TTC23: variants seen among roughly 807,000 people sequenced by gnomAD.
TTC23 encodes tetratricopeptide repeat domain 23.
A neutral mutation model predicts 55.1 loss-of-function variants in TTC23; 58 were observed. The observed-to-expected ratio is 1.05, with a 90% confidence interval of 0.85 to 1.31. The LOEUF (loss-of-function observed/expected upper bound fraction) is 1.31, where lower values mean the gene tolerates loss of function less well. TTC23 is among the 50% of genes most tolerant of loss of function. The pLI, the probability that TTC23 is intolerant of heterozygous loss-of-function variation, is 0.00. For missense variants in TTC23, 516 were observed against 534.4 expected, an observed-to-expected ratio of 0.97 and a Z score of 0.34; for synonymous variants, 203 against 199.9, an observed-to-expected ratio of 1.02 and a Z score of -0.13.
intron 12 of TTC23, among the ~76,000 whole-genome samples, chr15:99,142,727 G>A (rs1555491057): frequency 6.6e-6 from 1 of 152,212 alleles, no homozygotes; most frequent in Non-Finnish European, 1.5e-5. Context: ...GGAAGAATGA[G>A]AAGGCAACTG....
intron 8 of TTC23, among the ~76,000 whole-genome samples, chr15:99,205,443 C>T (rs1324975513): frequency 2.6e-5 from 4 of 152,014 alleles, no homozygotes; most frequent in Non-Finnish European, 5.9e-5. Context: ...AATCTTTTTG[C>T]ATGTCCTCTT....
chr15:99,147,804 A>G (rs528267094), intron 12 of TTC23, among the ~76,000 whole-genome samples: 1 of 152,292 alleles, frequency 6.6e-6, no homozygotes, highest in African/African-American at 2.4e-5. Context: ...TACACATGAA[A>G]ACAATGTGGC....
intron 8 of TTC23, among the ~76,000 whole-genome samples, chr15:99,204,391 G>T (rs915670426): frequency 6.6e-6 from 1 of 152,030 alleles, no homozygotes; most frequent in Non-Finnish European, 1.5e-5. Context: ...TTAATCCCTC[G>T]ACAGATGGGT....
At chr15:99,232,023 C>T (rs898894704) in intron 4 of TTC23, among the ~76,000 whole-genome samples, 1 of 148,974 alleles carries the variant, frequency 6.7e-6, no homozygotes, top group Non-Finnish European at 1.5e-5. Flanking sequence ...AACTCCTGAT[C>T]TCAGGTGATC....
At chr15:99,216,530 G>T (rs2077486845) in intron 8 of TTC23, among the ~76,000 whole-genome samples, 1 of 151,866 alleles carries the variant, frequency 6.6e-6, no homozygotes, top group South Asian at 2.1e-4. Context: ...ATTATCAATA[G>T]GAAAGGTACA....
At chr15:99,166,403 G>C (rs2072092593) in intron 10 of TTC23, among the ~76,000 whole-genome samples, 1 of 152,176 alleles carries the variant, frequency 6.6e-6, no homozygotes, top group African/African-American at 2.4e-5. Context: ...GATGCTGCAG[G>C]GTTCAGTTCC....
intron 5 of TTC23, among the ~76,000 whole-genome samples, chr15:99,226,337 A>C (rs1414398128): frequency 6.6e-6 from 1 of 152,174 alleles, no homozygotes; most frequent in African/African-American, 2.4e-5. Context: ...AACACTGAAG[A>C]ATTTGGGGGT....
intron 11 of TTC23, among the ~76,000 whole-genome samples, chr15:99,156,521 C>T (rs2070600254): frequency 6.6e-6 from 1 of 152,178 alleles, no homozygotes; most frequent in African/African-American, 2.4e-5. Context: ...GGTGGGGAGG[C>T]CTCAGAAAAC....
In TTC23 at chr15:99,175,711, T is replaced by C. The variant is rs543813265; in HGVS notation, c.760-556A>G. On this transcript the variant is annotated intron_variant, in intron 9 of 13. Transcript: ENST00000394132. ...GAAAATAAAGTCCACTAAAATGTTG[T>C]TGCCCAGGCGCGGTGGCTCATGTCT... Among the ~76,000 whole-genome samples the C allele has an allele frequency of 3.9e-5, 6 of 152,352 alleles. No individual in the cohort carries two copies. In the East Asian group the frequency reaches 1.2e-3, roughly 29 times the overall value.
chr15:99,229,764 C>T (rs1412644596), intron 4 of TTC23, among the ~76,000 whole-genome samples: 8 of 152,204 alleles, frequency 5.3e-5, no homozygotes, highest in African/African-American at 1.9e-4. Flanking sequence ...GGCGCCTGTT[C>T]CCACCAACCA....
At chr15:99,240,249 T>G (rs563027413) in intron 3 of TTC23, among the ~76,000 whole-genome samples, 2 of 152,358 alleles carry the variant, frequency 1.3e-5, no homozygotes, top group South Asian at 4.1e-4. Flanking sequence ...GAACCTAGTG[T>G]TAAACTTCGA....
At chr15:99,198,649 A>G (rs9672800) in intron 9 of TTC23, among the ~76,000 whole-genome samples, 67,152 of 151,966 alleles carry the variant, frequency 0.44, 14,834 homozygotes, top group Middle Eastern at 0.58. Flanking sequence ...ATATCACTCA[A>G]CCTCTCTAAT....
intron 11 of TTC23, 54 bp from the exon 12 acceptor site, chr15:99,156,351 T>C (rs2070566863): frequency 6.3e-7 from 1 of 1,595,230 alleles, no homozygotes; most frequent in East Asian, 2.2e-5. Context: ...CTGATTAGGA[T>C]CATTACGCAA....
chr15:99,244,783 T>C (rs768659953), intron 2 of TTC23, among the ~76,000 whole-genome samples: 1 of 152,132 alleles, frequency 6.6e-6, no homozygotes, highest in Non-Finnish European at 1.5e-5. Flanking sequence ...TTGATCCTTA[T>C]TATGGATGAA....
At chr15:99,156,348 G>T in intron 11 of TTC23, 51 bp from the exon 12 acceptor site, 1 of 1,596,916 alleles carries the variant, frequency 6.3e-7, no homozygotes, top group South Asian at 1.1e-5. Context: ...AGGCTGATTA[G>T]GATCATTACG....
intron 12 of TTC23, among the ~76,000 whole-genome samples, chr15:99,142,389 G>T (rs1425471833): frequency 6.6e-6 from 1 of 152,176 alleles, no homozygotes; most frequent in Non-Finnish European, 1.5e-5. Flanking sequence ...TTCACTCAGT[G>T]TAAAAGATCA....
chr15:99,200,164 T>C, intron 8 of TTC23, 68 bp from the exon 9 acceptor site: 2 of 1,369,182 alleles, frequency 1.5e-6, no homozygotes, highest in Non-Finnish European at 1.9e-6. Flanking sequence ...ATAGGTGAGC[T>C]GGTAGTTGGG....
chr15:99,176,916 G>T (rs146425738), intron 9 of TTC23, among the ~76,000 whole-genome samples: 2 of 152,228 alleles, frequency 1.3e-5, no homozygotes, highest in East Asian at 3.9e-4. Context: ...CCTAGCCAGT[G>T]GTGGGAGACA....
chr15:99,150,279 C>G (rs1186130608), intron 12 of TTC23, among the ~76,000 whole-genome samples: 1 of 152,214 alleles, frequency 6.6e-6, no homozygotes, highest in Non-Finnish European at 1.5e-5. Context: ...TCTTGGTCCA[C>G]TCCATTCCAT....
Sources: gnomAD v4.1 joint callset for allele counts (sites outside exome capture counted in the v4.1 genomes callset) on GRCh38, gnomAD v4.1.1 for gene constraint, MANE v1.5 for transcripts, NCBI Gene and HGNC (gene_info 2026-07-23, HGNC 2026-07-21) for gene names.